Variants in NEK10 observed in about 807,000 individuals in gnomAD.
NEK10 encodes serine/threonine-protein kinase Nek10.
Under a neutral mutation model 159.8 loss-of-function variants are expected in NEK10, and 122 were observed. That is an observed-to-expected ratio of 0.76 (90% CI 0.66 to 0.89). The LOEUF (loss-of-function observed/expected upper bound fraction) is 0.89, where lower values mean the gene tolerates loss of function less well. NEK10 is among the 40% of genes least tolerant of loss of function. The pLI is 0.00. For missense variants in NEK10, 1,342 were observed against 1,323.1 expected (o/e 1.01, Z -0.22); for synonymous variants, 466 against 457.1 (o/e 1.02, Z -0.25).
intron 23 of NEK10, among the ~76,000 whole-genome samples, chr3:27,211,274 T>C (rs1441017331): frequency 6.6e-6 from 1 of 152,168 alleles, no homozygotes; most frequent in Non-Finnish European, 1.5e-5. Flanking sequence ...AAATACTAAG[T>C]ACTATACAAA....
chr3:27,109,322 T>C lies in NEK10; in HGVS notation c.*1950A>G, dbSNP rs1939287209. 7.0e-6 allele frequency among the ~76,000 whole-genome samples: 1 copy of C among 142,230 alleles called. No individual in the cohort carries two copies. The highest frequency in any genetic ancestry group is 2.6e-5 in the African/African-American group (1 of 38,324). The allele number at this position is 142,230 out of a possible 152,430, so 93.3% of individuals were successfully genotyped here. On this transcript the variant is annotated 3_prime_UTR_variant, in exon 36 of 36. Coordinates refer to ENST00000691995, the MANE Select transcript of NEK10 (RefSeq NM_001394966.1). ...TGAACCTGGGTGGCGGAGGTTGCAG[T>C]AAGTTAAGATCTCGCCATTGCACTC...
chr3:27,215,822 C>G (rs956651484), intron 23 of NEK10: 1 of 717,436 alleles, frequency 1.4e-6, no homozygotes, highest in Non-Finnish European at 2.6e-6. Context: ...AAAGGAGGAG[C>G]CAGCACGTTT....
chr3:27,266,958 C>A (rs1378738095), intron 22 of NEK10, among the ~76,000 whole-genome samples: 3 of 152,184 alleles, frequency 2.0e-5, no homozygotes, highest in Non-Finnish European at 4.4e-5. Flanking sequence ...AGCACCCCAG[C>A]AGACAACATA....
chr3:27,128,808 T>C (rs554907619), intron 32 of NEK10, among the ~76,000 whole-genome samples: 1 of 152,236 alleles, frequency 6.6e-6, no homozygotes, highest in South Asian at 2.1e-4. Context: ...GACACCATAC[T>C]TACTATGCTA....
chr3:27,368,312 G>T lies in NEK10; in HGVS notation c.-38+913C>A, dbSNP rs1029635650. ...TCTAAAAAAGGAGTCTTTTTTAGAA[G>T]GACTCCATATATATATATATACACA... On this transcript the variant is annotated intron_variant, in intron 1 of 35. Coordinates refer to ENST00000691995, the MANE Select transcript of NEK10 (RefSeq NM_001394966.1). 2.1e-5 allele frequency among the ~76,000 whole-genome samples: 3 copies of T among 143,304 alleles called. No individual in the cohort carries two copies. In the East Asian group the frequency reaches 5.9e-4, roughly 28 times the overall value. The allele number at this position is 143,304 out of a possible 152,430, so 94.0% of individuals were successfully genotyped here.
At position 27,175,610 on chromosome 3, in the gene NEK10, A is replaced by G. The variant is rs1370424875; in HGVS notation, c.2506-777T>C. On this transcript the variant is annotated intron_variant, in intron 26 of 35. Transcript: ENST00000691995. ...GACCGTGCGGAAGGAATGACTATGAATCAGTAAAAAAGTACCACTTGTTTC... is the reference window on the plus strand; with the variant it reads ...GACCGTGCGGAAGGAATGACTATGAGTCAGTAAAAAAGTACCACTTGTTTC... Among the ~76,000 whole-genome samples, 3 of 152,216 alleles carry G rather than the reference A, an allele frequency of 2.0e-5. 1 individual carries two copies. In the East Asian group the frequency reaches 5.8e-4, roughly 29 times the overall value.
chr3:27,285,791 G>C (rs1239141217), intron 20 of NEK10, among the ~76,000 whole-genome samples: 1 of 152,080 alleles, frequency 6.6e-6, no homozygotes, highest in Non-Finnish European at 1.5e-5. Context: ...TGTAATTTAT[G>C]CTTTTTTTCA....
rs1381314341 is a variant in NEK10 at position 27,286,505 on chromosome 3, C to T, written c.1789+1193G>A. 3.4e-5 allele frequency among the ~76,000 whole-genome samples: 5 copies of T among 147,528 alleles called. No homozygotes were observed. In the East Asian group the frequency reaches 9.9e-4, roughly 29 times the overall value. The stretch of plus-strand genomic sequence containing the variant: ...CAAGCAATTCTCCTGCCTCAGCTTC[C>T]CAAGTAGGTGGGATTACAGGCGCCT... On this transcript the variant is annotated intron_variant, in intron 20 of 35. Transcript: ENST00000691995.
chr3:27,367,007 A>G (rs903677988), intron 1 of NEK10, among the ~76,000 whole-genome samples: 24 of 151,766 alleles, frequency 1.6e-4, no homozygotes, highest in African/African-American at 5.8e-4. Flanking sequence ...ATGGGGTTTC[A>G]CCATGTGGGC....
intron 6 of NEK10, among the ~76,000 whole-genome samples, chr3:27,318,172 G>A (rs1273017917): frequency 6.6e-6 from 1 of 152,110 alleles, no homozygotes; most frequent in African/African-American, 2.4e-5. Flanking sequence ...TTCTAGGTTT[G>A]GAACAGTAAC....
intron 3 of NEK10, among the ~76,000 whole-genome samples, chr3:27,350,409 A>C (rs2047885092): frequency 6.6e-6 from 1 of 152,144 alleles, no homozygotes; most frequent in African/African-American, 2.4e-5. Context: ...TATTTTCTCC[A>C]ATATCTTCCC....
chr3:27,122,913 G>A (rs1419922408), intron 32 of NEK10, among the ~76,000 whole-genome samples: 1 of 152,058 alleles, frequency 6.6e-6, no homozygotes, highest in Non-Finnish European at 1.5e-5. Flanking sequence ...TGTCACACTG[G>A]TAGTCTCACT....
rs1200927039 is a variant in NEK10 at position 27,191,962 on chromosome 3, C to A, written c.2505+67G>T. ...AACTTTTGATGAATGTTCCTTAAAACAAGCATGAACAACTTCAGACAGCCC... is the reference window on the plus strand; with the variant it reads ...AACTTTTGATGAATGTTCCTTAAAAAAAGCATGAACAACTTCAGACAGCCC... On this transcript the variant is annotated intron_variant, in intron 26 of 35. Transcript: ENST00000691995. The A allele has an allele frequency of 1.5e-5, 20 of 1,377,034 alleles. No individual in the cohort carries two copies. The African/African-American group carries it at 2.0e-4, about 14-fold the overall frequency. The allele number at this position is 1,377,034 out of a possible 1,614,324, so 85.3% of individuals were successfully genotyped here. A position where few individuals can be genotyped will look rare whatever the true frequency, so the allele number is the denominator to read the frequency against.
At chr3:27,207,539 C>T (rs1054213543) in intron 23 of NEK10, among the ~76,000 whole-genome samples, 4 of 151,998 alleles carry the variant, frequency 2.6e-5, no homozygotes, top group South Asian at 2.1e-4. Flanking sequence ...AAGACTATTA[C>T]GAAGTCTATT....
chr3:27,325,142 A>T (rs1445251609), intron 5 of NEK10, among the ~76,000 whole-genome samples: 1 of 152,206 alleles, frequency 6.6e-6, no homozygotes, highest in African/African-American at 2.4e-5. Flanking sequence ...CATGCACTGG[A>T]ACTTGGAAAC....
intron 6 of NEK10, among the ~76,000 whole-genome samples, chr3:27,316,984 C>T (rs1388188559): frequency 6.6e-6 from 1 of 152,168 alleles, no homozygotes; most frequent in Non-Finnish European, 1.5e-5. Flanking sequence ...AAGCACACTT[C>T]GTTTCCCAGG....
Position 27,111,469 on chromosome 3 carries a change from T to A in NEK10, c.3300-149A>T, listed in dbSNP as rs1364424647. On this transcript the variant is annotated intron_variant, in intron 35 of 35. Coordinates refer to ENST00000691995, the MANE Select transcript of NEK10 (RefSeq NM_001394966.1). Reference sequence around the variant, plus strand: ...ATTTTTGTTAGGATGGGGACATTTTTAAAAAGCTGCCTTTGGCTGAAGTCT... The same window carrying A: ...ATTTTTGTTAGGATGGGGACATTTTAAAAAAGCTGCCTTTGGCTGAAGTCT... 4.8e-6 allele frequency: 3 copies of A among 621,406 alleles called. No individual in the cohort carries two copies. In the East Asian group the frequency reaches 9.4e-5, roughly 19 times the overall value. The allele number at this position is 621,406 out of a possible 1,614,324, so 38.5% of individuals were successfully genotyped here.
intron 23 of NEK10, among the ~76,000 whole-genome samples, chr3:27,211,043 C>A (rs1950963918): frequency 6.6e-6 from 1 of 152,204 alleles, no homozygotes; most frequent in Admixed American, 6.5e-5. Flanking sequence ...CTGCATTATG[C>A]AAACCAGGAC....
intron 26 of NEK10, among the ~76,000 whole-genome samples, chr3:27,183,296 T>C (rs1028664079): frequency 6.6e-6 from 1 of 151,262 alleles, no homozygotes; most frequent in African/African-American, 2.4e-5. Context: ...TCTACATATA[T>C]ATTGTCAGGC....
Sources: gnomAD v4.1 joint callset for allele counts (sites outside exome capture counted in the v4.1 genomes callset) on GRCh38, gnomAD v4.1.1 for gene constraint, MANE v1.5 for transcripts, NCBI Gene and HGNC (gene_info 2026-07-23, HGNC 2026-07-21) for gene names.